Variants in DGKI observed in about 807,000 individuals in gnomAD.
The protein encoded by DGKI is diacylglycerol kinase iota.
Under a neutral mutation model 147.5 loss-of-function variants are expected in DGKI, and 55 were observed. The ratio of observed to expected loss-of-function variants is 0.37; its 90% CI spans 0.30 to 0.47. The LOEUF is 0.47. DGKI is among the 20% of genes least tolerant of loss of function. The pLI is 1.00. For missense variants in DGKI, 1,007 were observed against 1,323.8 expected (o/e 0.76, Z 3.71); for synonymous variants, 469 against 477.1 (o/e 0.98, Z 0.22).
chr7:137,404,150 G>A (rs1010145140), intron 30 of DGKI, among the ~76,000 whole-genome samples: 1 of 152,244 alleles, frequency 6.6e-6, no homozygotes, highest in Admixed American at 6.5e-5. Context: ...TAATTTAAAG[G>A]AGTTTCTATC....
At chr7:137,536,032 G>C (rs192137351) in intron 20 of DGKI, among the ~76,000 whole-genome samples, 2 of 152,172 alleles carry the variant, frequency 1.3e-5, no homozygotes, top group African/African-American at 2.4e-5. Flanking sequence ...TCACACATTT[G>C]CAACACTCAG....
intron 29 of DGKI, among the ~76,000 whole-genome samples, chr7:137,411,102 G>A (rs886690406): frequency 6.6e-6 from 1 of 152,180 alleles, no homozygotes; most frequent in Admixed American, 6.5e-5. Flanking sequence ...TATGTCTGAG[G>A]GTAGGACTGT....
chr7:137,607,518 A>T (rs1820223415), intron 10 of DGKI, among the ~76,000 whole-genome samples: 1 of 152,226 alleles, frequency 6.6e-6, no homozygotes, highest in African/African-American at 2.4e-5. Flanking sequence ...TAGATAACTT[A>T]CTAGCCTCTG....
rs1327701587 is a variant in DGKI, at chr7:137,427,287, C to T, written c.2762-15080G>A. ...AACTACATGGAAACTGAACAACCTG[C>T]TCCTGAATGACTACTGGGTACATAA... On this transcript the variant is annotated intron_variant, in intron 28 of 32. Coordinates refer to ENST00000614521, the MANE Select transcript of DGKI (RefSeq NM_001321708.2). Among the ~76,000 whole-genome samples, 48 of 152,154 alleles carry T rather than the reference C, an allele frequency of 3.2e-4. 1 individual carries two copies. Among genetic ancestry groups the T allele is most frequent in the Admixed American group, 3.1e-3 (48 of 15,280 alleles).
At chr7:137,619,466 G>A (rs1309560890) in intron 8 of DGKI, among the ~76,000 whole-genome samples, 1 of 152,126 alleles carries the variant, frequency 6.6e-6, no homozygotes. Flanking sequence ...GACCCTCTGG[G>A]AATGCCCAGG....
At chr7:137,581,548 A>T (rs1819192264) in intron 15 of DGKI, among the ~76,000 whole-genome samples, 1 of 152,122 alleles carries the variant, frequency 6.6e-6, no homozygotes, top group Non-Finnish European at 1.5e-5. Flanking sequence ...CAAATCTTCC[A>T]GTAGAACATA....
At chr7:137,440,566 T>C (rs1296394964) in intron 28 of DGKI, among the ~76,000 whole-genome samples, 2 of 152,188 alleles carry the variant, frequency 1.3e-5, no homozygotes, top group Non-Finnish European at 2.9e-5. Flanking sequence ...ATTGTTAGAA[T>C]TGGGTCTGAA....
intron 17 of DGKI, among the ~76,000 whole-genome samples, chr7:137,573,286 C>A (rs1251307793): frequency 6.6e-6 from 1 of 152,140 alleles, no homozygotes; most frequent in African/African-American, 2.4e-5. Context: ...GATTTATTTT[C>A]TTCGTTTTTT....
chr7:137,819,572 A>C (rs1585531508), intron 1 of DGKI, among the ~76,000 whole-genome samples: 1 of 152,032 alleles, frequency 6.6e-6, no homozygotes, highest in African/African-American at 2.4e-5. Flanking sequence ...AGCCTCCCAA[A>C]GTGCTGGGAT....
intron 27 of DGKI, among the ~76,000 whole-genome samples, chr7:137,447,545 C>G (rs1477666445): frequency 6.6e-6 from 1 of 152,066 alleles, no homozygotes. Flanking sequence ...GAGAAGAACT[C>G]CAGGCAGAAT....
intron 21 of DGKI, among the ~76,000 whole-genome samples, chr7:137,505,402 C>T (rs1816331667): frequency 6.6e-6 from 1 of 152,088 alleles, no homozygotes; most frequent in Non-Finnish European, 1.5e-5. Context: ...GAGAAACCAT[C>T]TCATTTATGC....
At chr7:137,481,814 TCAG>T (rs1815383484) in intron 23 of DGKI, among the ~76,000 whole-genome samples, 1 of 152,048 alleles carries the variant, frequency 6.6e-6, no homozygotes, top group South Asian at 2.1e-4. Flanking sequence ...TAGAAAACAG[TCAG>T]CTAAAACCCT....
intron 21 of DGKI, among the ~76,000 whole-genome samples, chr7:137,488,069 T>A (rs1261123490): frequency 6.6e-6 from 1 of 152,154 alleles, no homozygotes; most frequent in East Asian, 1.9e-4. Context: ...ATGCTTGCAT[T>A]TGCAATAGAC....
Position 137,465,936 on chromosome 7 carries a change from G to T in DGKI, c.2584C>A (p.Pro862Thr), listed in dbSNP as rs1457844508. The T allele has an allele frequency of 6.2e-7, 1 of 1,613,934 alleles. No individual in the cohort carries two copies. The highest frequency in any genetic ancestry group is 8.5e-7 in the Non-Finnish European group (1 of 1,179,970). The stretch of plus-strand genomic sequence containing the variant: ...GAGGCTTGTTCCACCACCAGGTCAG[G>T]CATGCCCGGAGGTGTCCCCGCCGGC... Reference protein sequence around the residue: ...SQPAGTPPGMPDLVVEQASGI... With the variant: ...SQPAGTPPGMTDLVVEQASGI... Residue 862 changes from proline to threonine, a missense_variant, in exon 26 of 33, where the codon CCT (proline) becomes ACT (threonine). Transcript: ENST00000614521.
intron 8 of DGKI, among the ~76,000 whole-genome samples, chr7:137,611,396 G>A (rs1404994416): frequency 6.6e-6 from 1 of 152,150 alleles, no homozygotes; most frequent in Non-Finnish European, 1.5e-5. Context: ...GTAAAGCCCA[G>A]GCAAGGATAC....
chr7:137,647,901 T>C (rs1387878770), intron 5 of DGKI, among the ~76,000 whole-genome samples: 1 of 152,238 alleles, frequency 6.6e-6, no homozygotes, highest in Non-Finnish European at 1.5e-5. Flanking sequence ...ATCATTCTCA[T>C]TTTACAGATA....
intron 1 of DGKI, among the ~76,000 whole-genome samples, chr7:137,781,330 G>A (rs1563195076): frequency 6.6e-6 from 1 of 152,162 alleles, no homozygotes; most frequent in African/African-American, 2.4e-5. Flanking sequence ...AGCAATGGGG[G>A]GAGGGTATGT....
At chr7:137,500,598 C>T (rs1277536742) in intron 21 of DGKI, among the ~76,000 whole-genome samples, 1 of 151,988 alleles carries the variant, frequency 6.6e-6, no homozygotes, top group African/African-American at 2.4e-5. Flanking sequence ...ACATAGATTT[C>T]ACCACAAATT....
At chr7:137,495,502 CAAAAAAAAAAA>C (rs34551145) in intron 21 of DGKI, among the ~76,000 whole-genome samples, 7 of 57,388 alleles carry the variant, frequency 1.2e-4, no homozygotes, top group African/African-American at 1.7e-4. Context: ...CTGGCAGAGA[CAAAAAAAAAAA>C]AAAAAAAAAA....
Sources: gnomAD v4.1 joint callset for allele counts (sites outside exome capture counted in the v4.1 genomes callset) on GRCh38, gnomAD v4.1.1 for gene constraint, MANE v1.5 for transcripts, NCBI Gene and HGNC (gene_info 2026-07-23, HGNC 2026-07-21) for gene names.